The following GPD2 variants were observed in gnomAD, a reference collection of about 807,000 sequenced individuals.
GPD2 encodes glycerol-3-phosphate dehydrogenase, mitochondrial.
In GPD2, 54 loss-of-function variants were observed where a neutral mutation model predicts 82.4. That is an observed-to-expected ratio of 0.66 (90% CI 0.53 to 0.82). GPD2 has a LOEUF of 0.82. Ranked by LOEUF, GPD2 falls within the 40% of genes least tolerant of loss-of-function variation. The probability of loss-of-function intolerance (pLI) is 0.00; values close to 1 mark genes in which losing one functional copy is unlikely to be tolerated. For missense variants in GPD2, 748 were observed against 896.2 expected (o/e 0.83, Z 2.11); for synonymous variants, 288 against 306.1 (o/e 0.94, Z 0.62).
intron 9 of GPD2, among the ~76,000 whole-genome samples, chr2:156,565,635 G>A (rs149342943): frequency 1.3e-5 from 2 of 152,236 alleles, no homozygotes; most frequent in East Asian, 3.9e-4. Context: ...TAAACATCCT[G>A]TAGAGGTGAT....
intron 1 of GPD2, among the ~76,000 whole-genome samples, chr2:156,469,016 T>A (rs1023534483): frequency 3.3e-5 from 5 of 152,186 alleles, no homozygotes; most frequent in Admixed American, 6.5e-5. Context: ...TCTCTGACTC[T>A]CTGTCTCCAT....
intron 9 of GPD2, among the ~76,000 whole-genome samples, chr2:156,567,587 G>A (rs1469519914): frequency 6.6e-6 from 1 of 152,114 alleles, no homozygotes; most frequent in Non-Finnish European, 1.5e-5. Context: ...TGGATTAGCT[G>A]ATTTACCACA....
At chr2:156,402,667 T>A in the GPD2 span, among the ~76,000 whole-genome samples, 1 of 151,924 alleles carries the variant, frequency 6.6e-6, no homozygotes, top group East Asian at 1.9e-4. Context: ...TTTATTTATT[T>A]GTTTGTTTCT....
rs1685471491 is a variant in GPD2 at position 156,523,087 on chromosome 2, G to A, written c.661+9591G>A. On this transcript the variant is annotated intron_variant, in intron 6 of 16. Coordinates refer to ENST00000438166, the MANE Select transcript of GPD2 (RefSeq NM_000408.5). Reference sequence around the variant, plus strand: ...TCGTTTCAGTCAATGAACCTACATGGACACATCATTATCACCCAGAGTCCA... The same window carrying A: ...TCGTTTCAGTCAATGAACCTACATGAACACATCATTATCACCCAGAGTCCA... Among the ~76,000 whole-genome samples the A allele has an allele frequency of 2.0e-5, 3 of 152,056 alleles. No homozygotes were observed. In the South Asian group the frequency reaches 6.2e-4, roughly 32 times the overall value.
In GPD2 at chr2:156,513,421, A is replaced by T. The variant is rs1388303678; in HGVS notation, c.586A>T (p.Ser196Cys). ...SNCLKSSYVL[S>C]KSRALEHFPM... The stretch of plus-strand genomic sequence containing the variant: ...TTGCCTAAAAAGCAGTTATGTCCTC[A>T]GCAAATCAAGAGCCCTTGAACATTT... The change falls in exon 6 of 17, where the codon AGC becomes TGC. Residue 196 changes from serine (S) to cysteine (C), a missense_variant. Ser to Cys is a moderately radical substitution (Grantham distance 112, BLOSUM62 -1). Around this residue, in one of 3 missense-constraint regions of GPD2, gnomAD observed 692 missense variants for 809.7 expected, o/e 0.85. Transcript: ENST00000438166. 1.2e-6 allele frequency: 2 copies of T among 1,612,846 alleles called. No individual in the cohort carries two copies. Among genetic ancestry groups the T allele is most frequent in the South Asian group, 2.2e-5 (2 of 91,048 alleles).
At chr2:156,538,577 T>A (rs1223740281) in intron 6 of GPD2, among the ~76,000 whole-genome samples, 1 of 151,924 alleles carries the variant, frequency 6.6e-6, no homozygotes, top group African/African-American at 2.4e-5. Context: ...TCCCAGCACT[T>A]TGGGAGGCCA....
intron 1 of GPD2, among the ~76,000 whole-genome samples, chr2:156,448,532 A>T (rs765257906): frequency 4.6e-5 from 7 of 152,210 alleles, no homozygotes; most frequent in Non-Finnish European, 1.0e-4. Flanking sequence ...AATAAAGGAG[A>T]GACATGAGAA....
intron 3 of GPD2, 91 bp from the exon 4 acceptor site, chr2:156,510,705 T>C (rs1266120977): frequency 4.6e-5 from 47 of 1,019,800 alleles, no homozygotes; most frequent in Non-Finnish European, 4.5e-5. Flanking sequence ...TAATTTTTCT[T>C]GTGATTGTCT....
intron 6 of GPD2, among the ~76,000 whole-genome samples, chr2:156,532,280 T>A (rs182623628): frequency 6.7e-4 from 102 of 152,318 alleles, no homozygotes; most frequent in African/African-American, 2.4e-3. Context: ...GTGCTGGGAT[T>A]ACAGATGTGA....
At chr2:156,555,625 C>A (rs1165223464) in intron 8 of GPD2, among the ~76,000 whole-genome samples, 4 of 152,088 alleles carry the variant, frequency 2.6e-5, no homozygotes, top group Non-Finnish European at 4.4e-5. Context: ...AAGGACATAT[C>A]AATCCAGGAT....
At chr2:156,457,309 A>G (rs963075644) in intron 1 of GPD2, among the ~76,000 whole-genome samples, 2 of 152,228 alleles carry the variant, frequency 1.3e-5, no homozygotes, top group African/African-American at 4.8e-5. Context: ...ACCTTTGCTC[A>G]GGCTTCTTAC....
At chr2:156,409,988 G>C in the GPD2 span, among the ~76,000 whole-genome samples, 1 of 152,148 alleles carries the variant, frequency 6.6e-6, no homozygotes, top group African/African-American at 2.4e-5. Context: ...TGAGGCTACA[G>C]TGTGCTATGA....
chr2:156,556,722 A>G (rs888192140), intron 8 of GPD2, among the ~76,000 whole-genome samples: 3 of 152,182 alleles, frequency 2.0e-5, no homozygotes, highest in African/African-American at 7.2e-5. Flanking sequence ...TTATCCTAGG[A>G]CATTACTATT....
chr2:156,526,598 T>C (rs1685617625), intron 6 of GPD2, among the ~76,000 whole-genome samples: 1 of 20,656 alleles, frequency 4.8e-5, no homozygotes, highest in African/African-American at 1.3e-4. Context: ...AGCTAATTAA[T>C]TGTAGTTTAA....
At chr2:156,534,826 C>CT (rs1354715862) in intron 6 of GPD2, among the ~76,000 whole-genome samples, 1 of 151,428 alleles carries the variant, frequency 6.6e-6, no homozygotes, top group Non-Finnish European at 1.5e-5. Flanking sequence ...AAAAAAAACT[C>CT]TAACAGAGGA....
intron 1 of GPD2, among the ~76,000 whole-genome samples, chr2:156,456,436 T>A (rs12618695): frequency 0.91 from 137,834 of 152,002 alleles, 63,712 homozygotes; most frequent in South Asian, 1. Flanking sequence ...AAACCTTGTC[T>A]CTACAAAAAT....
intron 10 of GPD2, among the ~76,000 whole-genome samples, chr2:156,569,161 T>A (rs1304208209): frequency 6.6e-6 from 1 of 151,994 alleles, no homozygotes; most frequent in East Asian, 1.9e-4. Context: ...GCTTTAGATA[T>A]AAGTTTGACT....
intron 6 of GPD2, among the ~76,000 whole-genome samples, chr2:156,519,792 G>T (rs1423327855): frequency 3.3e-5 from 5 of 152,220 alleles, no homozygotes; most frequent in Non-Finnish European, 7.3e-5. Context: ...AGGCAAACAG[G>T]TGCCTGGGCC....
chr2:156,523,332 G>T (rs1288891972), intron 6 of GPD2, among the ~76,000 whole-genome samples: 1 of 151,968 alleles, frequency 6.6e-6, no homozygotes, highest in African/African-American at 2.4e-5. Flanking sequence ...CATGTAGTTG[G>T]AATCCTACAG....
Sources: allele counts gnomAD v4.1 joint callset (sites outside exome capture counted in the v4.1 genomes callset), GRCh38; gene constraint gnomAD v4.1.1; regional missense constraint gnomAD v4.1.1; transcripts MANE v1.5; gene names NCBI Gene and HGNC (gene_info 2026-07-23, HGNC 2026-07-21).